The following KCMF1 variants were observed in gnomAD, a reference collection of about 807,000 sequenced individuals.
KCMF1 encodes the protein potassium channel modulatory factor 1.
In KCMF1, 3 loss-of-function variants were observed where a neutral mutation model predicts 41.1. That is an observed-to-expected ratio of 0.07 (90% CI 0.03 to 0.19). The LOEUF is 0.19. Among genes scored for constraint, KCMF1 ranks in the 10% least tolerant of loss-of-function variants. The probability of loss-of-function intolerance (pLI) is 1.00; values close to 1 mark genes in which losing one functional copy is unlikely to be tolerated. For missense variants in KCMF1, 286 were observed against 488.9 expected (o/e 0.58, Z 3.91); for synonymous variants, 142 against 164.5 (o/e 0.86, Z 1.04).
At chr2:85,045,856 T>C (rs1675654329) in intron 4 of KCMF1, among the ~76,000 whole-genome samples, 1 of 152,180 alleles carries the variant, frequency 6.6e-6, no homozygotes, top group Non-Finnish European at 1.5e-5. Context: ...TCATGAGCTA[T>C]ATAGAGAAAC....
At chr2:84,980,670 C>G in intron 1 of KCMF1, among the ~76,000 whole-genome samples, 1 of 150,578 alleles carries the variant, frequency 6.6e-6, no homozygotes, top group Non-Finnish European at 1.5e-5. Context: ...GAGGCCGGGT[C>G]TCACTCTGTC....
intron 1 of KCMF1, among the ~76,000 whole-genome samples, chr2:84,993,267 G>A (rs1413703692): frequency 1.3e-5 from 2 of 151,940 alleles, no homozygotes; most frequent in African/African-American, 2.4e-5. Flanking sequence ...CTTCATTAGG[G>A]AGTATCAGAC....
rs895951841 is a variant in KCMF1, at chr2:85,055,743, T to C, written c.*2334T>C. 1 of 152,218 alleles carries C rather than the reference T, an allele frequency of 6.6e-6. No individual in the cohort carries two copies. Among genetic ancestry groups the C allele is most frequent in the Non-Finnish European group, 1.5e-5 (1 of 68,028 alleles). The allele number at this position is 152,218 out of a possible 1,614,324, so 9.4% of individuals were successfully genotyped here. ...TTCTTTAGTTTCTGAATGAAAATCTTATTACTGGATGTACTATTGAATAAA... is the reference window on the plus strand; with the variant it reads ...TTCTTTAGTTTCTGAATGAAAATCTCATTACTGGATGTACTATTGAATAAA... On this transcript the variant is annotated 3_prime_UTR_variant, in exon 7 of 7. Coordinates refer to ENST00000409785, the MANE Select transcript of KCMF1 (RefSeq NM_020122.5).
intron 1 of KCMF1, among the ~76,000 whole-genome samples, chr2:84,996,228 A>G (rs762315168): frequency 2.0e-5 from 3 of 152,172 alleles, no homozygotes; most frequent in Non-Finnish European, 4.4e-5. Flanking sequence ...GTTGTGTAGT[A>G]TTGTCTGTTA....
intron 1 of KCMF1, among the ~76,000 whole-genome samples, chr2:85,008,335 A>ATCATATAAAATATATC (rs1558573516): frequency 6.7e-5 from 1 of 14,986 alleles, no homozygotes; most frequent in African/African-American, 1.1e-4. Flanking sequence ...TATAATATAT[A>ATCATATAAAATATATC]ATATGATATA....
Position 85,053,582 on chromosome 2 carries a change from A to G in KCMF1, c.*173A>G, listed in dbSNP as rs1427984977. 14 of 738,554 alleles carry G rather than the reference A, an allele frequency of 1.9e-5. No homozygotes were observed. The highest frequency in any genetic ancestry group is 3.0e-5 in the Non-Finnish European group (14 of 465,754). 45.8% of individuals were successfully genotyped at this position (738,554 alleles called of 1,614,324 possible). A position where few individuals can be genotyped will look rare whatever the true frequency, so the allele number is the denominator to read the frequency against. ...ATATGATAATCATTTCCACTTAACT[A>G]ATTTTTACTTCTAGCAGGTAAATGT... On this transcript the variant is annotated 3_prime_UTR_variant, in exon 7 of 7. Transcript: ENST00000409785.
At chr2:84,981,765 T>TTTTG (rs201977763) in intron 1 of KCMF1, among the ~76,000 whole-genome samples, 107 of 152,048 alleles carry the variant, frequency 7.0e-4, no homozygotes, top group East Asian at 6.6e-3. Flanking sequence ...TCTCCAGGCT[T>TTTTG]TTTGTTTGTT....
chr2:84,996,184 G>A lies in KCMF1; in HGVS notation c.16+24717G>A, dbSNP rs183634621. Among the ~76,000 whole-genome samples, 7 of 152,112 alleles carry A rather than the reference G, an allele frequency of 4.6e-5. No individual in the cohort carries two copies. In the East Asian group the frequency reaches 1.4e-3, roughly 29 times the overall value. ...TAATTATAAACAGGTTTTTCTTTTGGGACATTTGACAGTTATGTGAAAGGT... is the reference window on the plus strand; with the variant it reads ...TAATTATAAACAGGTTTTTCTTTTGAGACATTTGACAGTTATGTGAAAGGT... On this transcript the variant is annotated intron_variant, in intron 1 of 6. Coordinates refer to ENST00000409785, the MANE Select transcript of KCMF1 (RefSeq NM_020122.5).
intron 3 of KCMF1, among the ~76,000 whole-genome samples, chr2:85,040,719 A>G (rs1675507353): frequency 6.6e-6 from 1 of 150,888 alleles, no homozygotes; most frequent in Non-Finnish European, 1.5e-5. Context: ...GTGTGGCAAC[A>G]TCTTCCACTT....
intron 1 of KCMF1, among the ~76,000 whole-genome samples, chr2:84,973,791 A>ATTTC (rs1318902926): frequency 7.8e-6 from 1 of 128,962 alleles, no homozygotes; most frequent in Non-Finnish European, 1.7e-5. Flanking sequence ...TTCTTTCAGC[A>ATTTC]TTTCTTTCTT....
Position 85,054,323 on chromosome 2 carries a change from C to T in KCMF1, c.*914C>T, listed in dbSNP as rs1424157397. 6.6e-6 allele frequency: 1 copy of T among 152,144 alleles called. No individual in the cohort carries two copies. The highest frequency in any genetic ancestry group is 2.4e-5 in the African/African-American group (1 of 41,412). The allele number at this position is 152,144 out of a possible 1,614,324, so 9.4% of individuals were successfully genotyped here. ...TCTTTGTTTTTAAAAATCTCACATTCTCAATCATATTTTGCATTATTTATG... is the reference window on the plus strand; with the variant it reads ...TCTTTGTTTTTAAAAATCTCACATTTTCAATCATATTTTGCATTATTTATG... On this transcript the variant is annotated 3_prime_UTR_variant, in exon 7 of 7. Transcript: ENST00000409785.
At position 85,053,659 on chromosome 2, in the gene KCMF1, G is replaced by T; in HGVS notation, c.*250G>T. 1 of 420,154 alleles carries T rather than the reference G, an allele frequency of 2.4e-6. No individual in the cohort carries two copies. Among genetic ancestry groups the T allele is most frequent in the Non-Finnish European group, 4.3e-6 (1 of 234,830 alleles). 26.0% of individuals were successfully genotyped at this position (420,154 alleles called of 1,614,324 possible). ...CTTCCTGTACCTTGACATGCAAAAGGCTCTCCTAATACTCCACATTCAAAC... is the reference window on the plus strand; with the variant it reads ...CTTCCTGTACCTTGACATGCAAAAGTCTCTCCTAATACTCCACATTCAAAC... On this transcript the variant is annotated 3_prime_UTR_variant, in exon 7 of 7. Transcript: ENST00000409785.
At chr2:85,044,102 G>T (rs1047022055) in intron 4 of KCMF1, among the ~76,000 whole-genome samples, 2 of 151,988 alleles carry the variant, frequency 1.3e-5, no homozygotes, top group African/African-American at 4.8e-5. Context: ...CTTCCAGGAT[G>T]GCGTTTTCAT....
rs1031931629 is a variant in KCMF1 at position 85,056,043 on chromosome 2, T to G, written c.*2634T>G. On this transcript the variant is annotated 3_prime_UTR_variant, in exon 7 of 7. Transcript: ENST00000409785. ...AAATAACTGTGCTTCCTTGTATGGC[T>G]GCAATCATAAGACAGAATTTCTGTG... 2.0e-5 allele frequency: 3 copies of G among 152,154 alleles called. No individual in the cohort carries two copies. The highest frequency in any genetic ancestry group is 4.4e-5 in the Non-Finnish European group (3 of 68,036). 9.4% of individuals were successfully genotyped at this position (152,154 alleles called of 1,614,324 possible).
At chr2:84,981,212 C>T (rs1673736356) in intron 1 of KCMF1, among the ~76,000 whole-genome samples, 1 of 147,946 alleles carries the variant, frequency 6.8e-6, no homozygotes, top group Admixed American at 6.7e-5. Context: ...TTTTTTGAGA[C>T]AGAGTCTCAC....
intron 1 of KCMF1, among the ~76,000 whole-genome samples, chr2:85,008,291 T>TATATATCATATATAATATG (rs1553379311): frequency 1.4e-4 from 2 of 14,624 alleles, no homozygotes; most frequent in African/African-American, 3.1e-4. Flanking sequence ...TGATATATAA[T>TATATATCATATATAATATG]ATATATAATA....
chr2:85,031,688 G>A (rs1675271915), intron 2 of KCMF1, among the ~76,000 whole-genome samples: 1 of 152,188 alleles, frequency 6.6e-6, no homozygotes, highest in South Asian at 2.1e-4. Context: ...TAACCCCATT[G>A]TAAGTCAAGG....
chr2:85,000,981 T>TC (rs1645751981), intron 1 of KCMF1, among the ~76,000 whole-genome samples: 1 of 150,750 alleles, frequency 6.6e-6, no homozygotes, highest in South Asian at 2.1e-4. Context: ...TTGTGGGTTT[T>TC]CTTTTTTTTT....
chr2:85,030,701 T>C (rs1436204371), intron 2 of KCMF1, among the ~76,000 whole-genome samples: 1 of 152,062 alleles, frequency 6.6e-6, no homozygotes, highest in African/African-American at 2.4e-5. Flanking sequence ...ATGCCTGGTG[T>C]TTTTGTTTGT....
Sources: gnomAD v4.1 joint callset for allele counts (sites outside exome capture counted in the v4.1 genomes callset) on GRCh38, gnomAD v4.1.1 for gene constraint, MANE v1.5 for transcripts, NCBI Gene and HGNC (gene_info 2026-07-23, HGNC 2026-07-21) for gene names.